Variants in MBD5 observed in about 807,000 individuals in gnomAD.
MBD5 encodes methyl-CpG-binding domain protein 5.
In MBD5, 13 loss-of-function variants were observed where a neutral mutation model predicts 117.3. The ratio of observed to expected loss-of-function variants is 0.11; its 90% CI spans 0.07 to 0.18. MBD5 has a LOEUF of 0.18. MBD5 is among the 10% of genes least tolerant of loss of function. The pLI, the probability that MBD5 is intolerant of heterozygous loss-of-function variation, is 1.00. For missense variants in MBD5, 1,879 were observed against 2,093.8 expected (o/e 0.90, Z 2.00); for synonymous variants, 727 against 766.4 (o/e 0.95, Z 0.85).
chr2:148,463,274 A>G (rs1707152247), intron 6 of MBD5, among the ~76,000 whole-genome samples: 1 of 152,212 alleles, frequency 6.6e-6, no homozygotes, highest in Non-Finnish European at 1.5e-5. Context: ...CCAAAAAAAG[A>G]TTAACATAAT....
At chr2:148,036,932 G>C (rs544394022) in intron 1 of MBD5, among the ~76,000 whole-genome samples, 2 of 151,800 alleles carry the variant, frequency 1.3e-5, no homozygotes, top group African/African-American at 4.8e-5. Context: ...TTTGGTTGGG[G>C]GACCCAGAAA....
At chr2:148,194,760 TA>T (rs1469229403) in intron 2 of MBD5, among the ~76,000 whole-genome samples, 1,329 of 25,108 alleles carry the variant, frequency 0.053, 19 homozygotes, top group African/African-American at 0.057. Flanking sequence ...TAGAGTATAA[TA>T]AGAAAAAAAA....
intron 1 of MBD5, among the ~76,000 whole-genome samples, chr2:148,074,809 G>T (rs958799875): frequency 6.6e-6 from 1 of 152,052 alleles, no homozygotes; most frequent in African/African-American, 2.4e-5. Context: ...GCCAGGAATA[G>T]AATTTTACAT....
At chr2:148,115,207 A>G (rs1343710151) in intron 1 of MBD5, among the ~76,000 whole-genome samples, 1 of 152,162 alleles carries the variant, frequency 6.6e-6, no homozygotes, top group Non-Finnish European at 1.5e-5. Flanking sequence ...CTTTGTTACA[A>G]ATAATGGGTG....
At chr2:148,240,539 T>C (rs1700195793) in intron 3 of MBD5, among the ~76,000 whole-genome samples, 1 of 152,204 alleles carries the variant, frequency 6.6e-6, no homozygotes, top group South Asian at 2.1e-4. Flanking sequence ...CATGAGCCAC[T>C]GCACCCAACC....
At position 148,132,826 on chromosome 2, in the gene MBD5, T is replaced by G. The variant is rs949915702; in HGVS notation, c.-924-45874T>G. The stretch of plus-strand genomic sequence containing the variant: ...AATATTAAAAATTGATGTGATTTCT[T>G]TTAAACCACACCTGGTTTTGTAGGC... On this transcript the variant is annotated intron_variant, in intron 1 of 13. Coordinates refer to ENST00000642680, the MANE Select transcript of MBD5 (RefSeq NM_001378120.1). Among the ~76,000 whole-genome samples the G allele has an allele frequency of 3.3e-5, 5 of 152,222 alleles. 1 individual carries two copies. The South Asian group carries it at 1.0e-3, about 32-fold the overall frequency.
intron 1 of MBD5, among the ~76,000 whole-genome samples, chr2:148,060,360 T>A (rs1414524243): frequency 6.6e-6 from 1 of 151,866 alleles, no homozygotes; most frequent in African/African-American, 2.4e-5. Flanking sequence ...TTTATATATC[T>A]TTTAATTGTA....
intron 4 of MBD5, among the ~76,000 whole-genome samples, chr2:148,386,691 C>T (rs561275940): frequency 2.1e-5 from 3 of 140,028 alleles, no homozygotes; most frequent in Non-Finnish European, 4.5e-5. Flanking sequence ...TGCACTCCAG[C>T]CTGGGCGACA....
intron 3 of MBD5, among the ~76,000 whole-genome samples, chr2:148,312,115 C>CCATT (rs1324317660): frequency 1.3e-5 from 2 of 152,096 alleles, no homozygotes; most frequent in Admixed American, 6.6e-5. Flanking sequence ...GTGAATCTGA[C>CCATT]CATTATGTGT....
intron 3 of MBD5, among the ~76,000 whole-genome samples, chr2:148,312,408 A>G (rs967918680): frequency 1.3e-5 from 2 of 151,858 alleles, no homozygotes; most frequent in Admixed American, 6.6e-5. Flanking sequence ...TTGATCTTCA[A>G]TCTCTGATAT....
chr2:148,422,524 TCTC>T (rs759351066), intron 4 of MBD5, among the ~76,000 whole-genome samples: 89 of 152,172 alleles, frequency 5.8e-4, no homozygotes, highest in Non-Finnish European at 1.1e-3. Context: ...GAATGCCTCT[TCTC>T]CTCCAAAGGA....
At chr2:148,372,998 C>T (rs184174023) in intron 4 of MBD5, among the ~76,000 whole-genome samples, 86 of 152,200 alleles carry the variant, frequency 5.7e-4, no homozygotes, top group Non-Finnish European at 9.1e-4. Context: ...TAAAGACCTA[C>T]ATCTTTTCTT....
intron 8 of MBD5, among the ~76,000 whole-genome samples, chr2:148,480,380 C>G (rs997373807): frequency 9.9e-5 from 15 of 152,038 alleles, no homozygotes; most frequent in African/African-American, 2.4e-4. Flanking sequence ...CTAAGGAAAG[C>G]CTTCATCTAC....
chr2:148,334,722 C>T (rs1414479974), intron 3 of MBD5, among the ~76,000 whole-genome samples: 1 of 152,140 alleles, frequency 6.6e-6, no homozygotes, highest in Non-Finnish European at 1.5e-5. Flanking sequence ...TATGTTCAAT[C>T]TACCATCTTT....
chr2:148,150,986 G>A (rs1269793260), intron 1 of MBD5, among the ~76,000 whole-genome samples: 1 of 150,830 alleles, frequency 6.6e-6, no homozygotes, highest in Non-Finnish European at 1.5e-5. Flanking sequence ...ATGTTGAATA[G>A]GAGTGGTGAG....
At chr2:148,325,996 T>G (rs1159237740) in intron 3 of MBD5, among the ~76,000 whole-genome samples, 1 of 151,988 alleles carries the variant, frequency 6.6e-6, no homozygotes, top group African/African-American at 2.4e-5. Flanking sequence ...TCCCTCTACA[T>G]ACTGCTTTGA....
chr2:148,262,197 G>A (rs915585816), intron 3 of MBD5, among the ~76,000 whole-genome samples: 12 of 152,022 alleles, frequency 7.9e-5, no homozygotes, highest in Non-Finnish European at 1.2e-4. Flanking sequence ...CAGGGTTGTC[G>A]CAAACCTTCC....
intron 1 of MBD5, among the ~76,000 whole-genome samples, chr2:148,064,817 T>C (rs1360031522): frequency 6.6e-6 from 1 of 152,218 alleles, no homozygotes; most frequent in Non-Finnish European, 1.5e-5. Flanking sequence ...TTCCTTCTTT[T>C]ATTTCTTTAG....
At chr2:148,052,146 C>A (rs1694724543) in intron 1 of MBD5, among the ~76,000 whole-genome samples, 1 of 150,432 alleles carries the variant, frequency 6.6e-6, no homozygotes, top group Admixed American at 6.6e-5. Flanking sequence ...TTTGTTCTAG[C>A]CTCAGTTTTG....
Sources: allele counts gnomAD v4.1 joint callset (sites outside exome capture counted in the v4.1 genomes callset), GRCh38; gene constraint gnomAD v4.1.1; transcripts MANE v1.5; gene names NCBI Gene and HGNC (gene_info 2026-07-23, HGNC 2026-07-21).